The following UBE2Q2 variants were observed in gnomAD, a reference collection of about 807,000 sequenced individuals.
UBE2Q2 encodes ubiquitin-conjugating enzyme E2 Q2.
Under a neutral mutation model 59.9 loss-of-function variants are expected in UBE2Q2, and 54 were observed. That is an observed-to-expected ratio of 0.90 (90% confidence interval 0.72 to 1.13). UBE2Q2 has a LOEUF of 1.13. Among genes scored for constraint, UBE2Q2 ranks in the 50% most tolerant of loss-of-function variants. The pLI is 0.00. For synonymous variants in UBE2Q2, 165 were observed against 155.2 expected (o/e 1.06, Z -0.47); for missense variants, 433 against 441.9 (o/e 0.98, Z 0.18).
chr15:75,859,818 T>C, intron 2 of UBE2Q2, 60 bp from the exon 3 acceptor site: 1 of 1,234,840 alleles, frequency 8.1e-7, no homozygotes, highest in South Asian at 1.5e-5. Flanking sequence ...GTCATAACAT[T>C]ATTGATGTCT....
chr15:75,886,801 C>T (rs1022890522), intron 9 of UBE2Q2, among the ~76,000 whole-genome samples: 12 of 151,204 alleles, frequency 7.9e-5, no homozygotes, highest in African/African-American at 2.2e-4. Context: ...GCAGGAGAAT[C>T]GCTTGAACCC....
intron 4 of UBE2Q2, among the ~76,000 whole-genome samples, chr15:75,871,404 C>CGGGTGTCAGCTGG (rs1897781494): frequency 6.6e-6 from 1 of 152,200 alleles, no homozygotes; most frequent in East Asian, 1.9e-4. Context: ...AGACCCTTTA[C>CGGGTGTCAGCTGG]GGGTGTCAGG....
intron 1 of UBE2Q2, among the ~76,000 whole-genome samples, chr15:75,847,571 TTAAG>T (rs1896419026): frequency 6.6e-6 from 1 of 152,224 alleles, no homozygotes; most frequent in Non-Finnish European, 1.5e-5. Flanking sequence ...TTATACAAAC[TTAAG>T]TATAGTTTTT....
intron 6 of UBE2Q2, among the ~76,000 whole-genome samples, chr15:75,877,454 C>A (rs1294922947): frequency 6.7e-6 from 1 of 149,580 alleles, no homozygotes; most frequent in East Asian, 1.9e-4. Flanking sequence ...GTTAAATAAT[C>A]ATTTGTTTCA....
intron 4 of UBE2Q2, among the ~76,000 whole-genome samples, chr15:75,870,532 A>G (rs770010084): frequency 6.6e-6 from 1 of 152,200 alleles, no homozygotes; most frequent in Non-Finnish European, 1.5e-5. Context: ...CAGCCATTGT[A>G]CTAAAGTTCA....
chr15:75,858,198 A>T (rs1897018262), intron 2 of UBE2Q2, among the ~76,000 whole-genome samples: 4 of 152,164 alleles, frequency 2.6e-5, no homozygotes, highest in Admixed American at 2.6e-4. Context: ...TCTCTGTTCT[A>T]GGGATTCCTA....
intron 1 of UBE2Q2, among the ~76,000 whole-genome samples, chr15:75,849,243 C>T (rs1896512049): frequency 6.6e-6 from 1 of 152,280 alleles, no homozygotes; most frequent in Non-Finnish European, 1.5e-5. Context: ...TTACTTCGTT[C>T]TCCACCCCAC....
intron 1 of UBE2Q2, chr15:75,844,054 G>A (rs1472102013): frequency 3.6e-6 from 5 of 1,408,246 alleles, no homozygotes; most frequent in African/African-American, 3.0e-5. Flanking sequence ...GCGTCTTTCC[G>A]GCTTCTCGCC....
chr15:75,892,192 TGTTA>T (rs1375111591), intron 11 of UBE2Q2, among the ~76,000 whole-genome samples: 1 of 152,220 alleles, frequency 6.6e-6, no homozygotes, highest in Admixed American at 6.5e-5. Flanking sequence ...AGTGGTCTCA[TGTTA>T]GTTGTATCCA....
rs1280653115 is a variant in UBE2Q2, at chr15:75,900,813, G to A, written c.*1355G>A. On this transcript the variant is annotated 3_prime_UTR_variant, in exon 13 of 13. Transcript: ENST00000267938. Reference sequence around the variant, plus strand: ...TAAAGTTCTGATTGCCAGTTGCTCAGATAACAAGTGACAAGGCAGAATTCT... The same window carrying A: ...TAAAGTTCTGATTGCCAGTTGCTCAAATAACAAGTGACAAGGCAGAATTCT... 6.6e-6 allele frequency: 1 copy of A among 152,618 alleles called. No individual in the cohort carries two copies. Among genetic ancestry groups the A allele is most frequent in the Non-Finnish European group, 1.5e-5 (1 of 68,030 alleles). The allele number at this position is 152,618 out of a possible 1,614,324, so 9.5% of individuals were successfully genotyped here.
intron 11 of UBE2Q2, among the ~76,000 whole-genome samples, chr15:75,891,848 A>G (rs565569806): frequency 7.9e-5 from 12 of 152,310 alleles, no homozygotes; most frequent in Admixed American, 2.0e-4. Flanking sequence ...TAAAGGCAAG[A>G]TGGTGCTTTA....
At chr15:75,880,313 A>C (rs944582240) in intron 8 of UBE2Q2, among the ~76,000 whole-genome samples, 3 of 151,940 alleles carry the variant, frequency 2.0e-5, no homozygotes, top group Non-Finnish European at 4.4e-5. Flanking sequence ...GGGTTTCACC[A>C]TGTTTGCCAG....
At chr15:75,878,044 C>T (rs1285483703) in intron 7 of UBE2Q2, 23 bp downstream of exon 7, 3 of 1,607,630 alleles carry the variant, frequency 1.9e-6, no homozygotes, top group African/African-American at 1.3e-5. Context: ...TTAATGCTCA[C>T]CCACTCTTTG....
chr15:75,873,399 ATAAGC>A (rs1897898592), intron 4 of UBE2Q2, 24 bp from the exon 5 acceptor site: 1 of 1,560,152 alleles, frequency 6.4e-7, no homozygotes, highest in Non-Finnish European at 8.6e-7. Flanking sequence ...AATAGGTTGA[ATAAGC>A]TAACATTTTT....
intron 12 of UBE2Q2, among the ~76,000 whole-genome samples, chr15:75,898,244 C>T (rs996476823): frequency 2.0e-5 from 3 of 151,934 alleles, no homozygotes; most frequent in Non-Finnish European, 4.4e-5. Context: ...AACTGGCATT[C>T]AAAAAATATT....
chr15:75,876,745 C>T (rs150555936), intron 6 of UBE2Q2, among the ~76,000 whole-genome samples: 228 of 152,158 alleles, frequency 1.5e-3, no homozygotes, highest in Middle Eastern at 3.4e-3. Flanking sequence ...CCTTGTTTGA[C>T]GAGTATTCTT....
At chr15:75,858,593 G>A (rs984566349) in intron 2 of UBE2Q2, among the ~76,000 whole-genome samples, 1 of 152,080 alleles carries the variant, frequency 6.6e-6, no homozygotes, top group Admixed American at 6.5e-5. Context: ...TGGTGTGTGG[G>A]GGAAGGGAGG....
At chr15:75,854,618 G>A (rs534369466) in intron 2 of UBE2Q2, 131 bp downstream of exon 2, 1 of 556,968 alleles carries the variant, frequency 1.8e-6, no homozygotes, top group African/African-American at 2.0e-5. Context: ...AGACTAGTTT[G>A]TTTGTTTTTT....
intron 7 of UBE2Q2, 44 bp from the exon 8 acceptor site, chr15:75,879,054 C>A (rs748712041): frequency 7.2e-7 from 1 of 1,394,074 alleles, no homozygotes; most frequent in East Asian, 2.4e-5. Context: ...AAAAAAAAAT[C>A]TCTAACTTTT....
Sources: allele counts gnomAD v4.1 joint callset (sites outside exome capture counted in the v4.1 genomes callset), GRCh38; gene constraint gnomAD v4.1.1; transcripts MANE v1.5; gene names NCBI Gene and HGNC (gene_info 2026-07-23, HGNC 2026-07-21).